The following RORA variants were observed in gnomAD, a reference collection of about 807,000 sequenced individuals.
RORA encodes the protein RAR related orphan receptor A.
RORA carries 7 observed loss-of-function variants against 69.5 expected under a neutral mutation model. That is an observed-to-expected ratio of 0.10 (90% CI 0.06 to 0.19). RORA has a LOEUF of 0.19. RORA is among the 10% of genes least tolerant of loss of function. The pLI is 1.00. For synonymous variants in RORA, 261 were observed against 240.8 expected, an observed-to-expected ratio of 1.08 and a Z score of -0.78; for missense variants, 457 against 663.0, an observed-to-expected ratio of 0.69 and a Z score of 3.41.
chr15:60,814,786 T>A (rs341370), intron 1 of RORA, among the ~76,000 whole-genome samples: 148,819 of 152,248 alleles, frequency 0.98, 72,812 homozygotes, highest in East Asian at 1. Flanking sequence ...CATCATTACC[T>A]ATCAGCTTCT....
intron 1 of RORA, among the ~76,000 whole-genome samples, chr15:60,728,969 G>C (rs1386999404): frequency 6.6e-6 from 1 of 152,142 alleles, no homozygotes; most frequent in Non-Finnish European, 1.5e-5. Flanking sequence ...TATCCCATCT[G>C]AACACAGAGC....
Position 60,497,554 on chromosome 15 carries a change from A to G in RORA, c.1473T>C (p.Phe491=). The G allele has an allele frequency of 6.2e-7, 1 of 1,612,966 alleles. No homozygotes were observed. The highest frequency in any genetic ancestry group is 1.1e-5 in the South Asian group (1 of 91,068). Residue 491 remains phenylalanine, a synonymous_variant, in exon 11 of 11, where the codon TTT becomes TTC. Transcript: ENST00000335670. ...GCACAATGTCTGGGTATATTGCTTT[A>G]AATGCCATTAGCTTTTCTGTATGTC... ...CGRHTEKLMA[F]KAIYPDIVRL...
intron 1 of RORA, among the ~76,000 whole-genome samples, chr15:61,199,572 C>T (rs867146124): frequency 6.6e-6 from 1 of 152,142 alleles, no homozygotes; most frequent in Non-Finnish European, 1.5e-5. Context: ...GATTTGTTTC[C>T]GAAACTAAGG....
At chr15:60,913,261 C>A (rs925545143) in intron 1 of RORA, among the ~76,000 whole-genome samples, 1 of 152,186 alleles carries the variant, frequency 6.6e-6, no homozygotes, top group East Asian at 1.9e-4. Context: ...CATGGAAATC[C>A]CTGCCATGTC....
chr15:60,972,679 G>A (rs1486248010), intron 1 of RORA, among the ~76,000 whole-genome samples: 3 of 152,186 alleles, frequency 2.0e-5, no homozygotes, highest in African/African-American at 7.2e-5. Flanking sequence ...CTTACTGGCT[G>A]TGTGATCCCA....
chr15:61,216,472 T>C (rs1056309109), intron 1 of RORA, among the ~76,000 whole-genome samples: 5 of 146,230 alleles, frequency 3.4e-5, no homozygotes, highest in African/African-American at 1.3e-4. Context: ...AATGGAACCC[T>C]TGCAGACAAG....
intron 2 of RORA, among the ~76,000 whole-genome samples, chr15:60,635,510 T>C (rs1194759312): frequency 6.6e-6 from 1 of 152,220 alleles, no homozygotes; most frequent in Admixed American, 6.5e-5. Context: ...TTTATTAAGG[T>C]GTTTCTTGCC....
At chr15:60,742,344 C>T in intron 1 of RORA, among the ~76,000 whole-genome samples, 1 of 152,016 alleles carries the variant, frequency 6.6e-6, no homozygotes. Flanking sequence ...AACCCCACTA[C>T]ACACAGAGTA....
intron 2 of RORA, among the ~76,000 whole-genome samples, chr15:60,555,914 T>C (rs1370535563): frequency 6.6e-6 from 1 of 152,160 alleles, no homozygotes; most frequent in Non-Finnish European, 1.5e-5. Context: ...AAAATATGTT[T>C]CTATTTCCGG....
chr15:60,940,922 T>C (rs1595831976), intron 1 of RORA, among the ~76,000 whole-genome samples: 4 of 152,260 alleles, frequency 2.6e-5, no homozygotes, highest in African/African-American at 9.6e-5. Flanking sequence ...TGAGACTCTG[T>C]CTCTAAATAA....
chr15:61,111,246 G>A (rs1017908301), intron 1 of RORA, among the ~76,000 whole-genome samples: 1 of 152,172 alleles, frequency 6.6e-6, no homozygotes. Flanking sequence ...CAAAACCTCC[G>A]TTAAGTAGTT....
At chr15:60,505,861 C>T (rs1429477195) in intron 5 of RORA, among the ~76,000 whole-genome samples, 2 of 152,096 alleles carry the variant, frequency 1.3e-5, no homozygotes, top group African/African-American at 4.8e-5. Context: ...ACTTCAAAGA[C>T]CCTCCTGACT....
At chr15:60,942,698 T>G (rs1204515054) in intron 1 of RORA, among the ~76,000 whole-genome samples, 1 of 152,268 alleles carries the variant, frequency 6.6e-6, no homozygotes, top group East Asian at 1.9e-4. Flanking sequence ...TGTTTTCTCT[T>G]TATCCTTGAT....
chr15:60,559,126 A>G (rs2140416051), intron 2 of RORA, among the ~76,000 whole-genome samples: 1 of 151,316 alleles, frequency 6.6e-6, no homozygotes, highest in East Asian at 2.0e-4. Context: ...AAAGTGTAAT[A>G]CGAAATAAAG....
intron 1 of RORA, among the ~76,000 whole-genome samples, chr15:60,691,594 G>C (rs538296925): frequency 6.6e-6 from 1 of 152,268 alleles, no homozygotes; most frequent in African/African-American, 2.4e-5. Flanking sequence ...TGAGAAGGTC[G>C]GGGACATCTA....
At chr15:60,749,645 T>C (rs1298595580) in intron 1 of RORA, among the ~76,000 whole-genome samples, 1 of 152,196 alleles carries the variant, frequency 6.6e-6, no homozygotes, top group Non-Finnish European at 1.5e-5. Context: ...TGTCTCCTTT[T>C]ACCAGGGGAT....
In RORA at chr15:61,226,419, C is replaced by T. The variant is rs779579875; in HGVS notation, c.166+2634G>A. Among the ~76,000 whole-genome samples, 5 of 152,042 alleles carry T rather than the reference C, an allele frequency of 3.3e-5. No homozygotes were observed. Among genetic ancestry groups the T allele is most frequent in the Non-Finnish European group, 2.9e-5 (2 of 68,026 alleles). On this transcript the variant is annotated intron_variant, in intron 1 of 10. Coordinates refer to ENST00000335670, the MANE Select transcript of RORA (RefSeq NM_134261.3). The surrounding 1 kb of genome is among the most constrained non-coding windows in gnomAD (Gnocchi z 4.2). ...CCTAGTGTGTAGGTTAATTTCTTTC[C>T]GATATTGTAATTTATGCAACATTAA...
chr15:60,874,667 AG>A (rs1420705030), intron 1 of RORA, among the ~76,000 whole-genome samples: 1 of 152,228 alleles, frequency 6.6e-6, no homozygotes, highest in Non-Finnish European at 1.5e-5. Context: ...AAAACTAAGT[AG>A]GGGTATTACA....
chr15:60,764,188 G>A (rs1384973750), intron 1 of RORA: 1 of 152,122 alleles, frequency 6.6e-6, no homozygotes, highest in East Asian at 1.9e-4. Flanking sequence ...TCAGTGAGAG[G>A]CCTTTGATGC....
Sources: gnomAD v4.1 joint callset for allele counts (sites outside exome capture counted in the v4.1 genomes callset) on GRCh38, gnomAD v4.1.1 for gene constraint, Gnocchi (gnomAD v3.1) non-coding constraint, MANE v1.5 for transcripts, NCBI Gene and HGNC (gene_info 2026-07-23, HGNC 2026-07-21) for gene names.